The following CPT1A variants were observed in gnomAD, a reference collection of about 807,000 sequenced individuals.
CPT1A encodes carnitine O-palmitoyltransferase 1, liver isoform.
In CPT1A, 64 loss-of-function variants were observed where a neutral mutation model predicts 100.8. The observed-to-expected ratio is 0.63, with a 90% confidence interval of 0.52 to 0.78. The LOEUF (loss-of-function observed/expected upper bound fraction) is 0.78, where lower values mean the gene tolerates loss of function less well. Ranked by LOEUF, CPT1A falls within the 30% of genes least tolerant of loss-of-function variation. The pLI is 0.00. For synonymous variants in CPT1A, 363 were observed against 396.0 expected (o/e 0.92, Z 0.99); for missense variants, 802 against 1,034.1 (o/e 0.78, Z 3.08).
chr11:68,764,159 T>G (rs1305677881), intron 14 of CPT1A, among the ~76,000 whole-genome samples: 2 of 151,878 alleles, frequency 1.3e-5, no homozygotes, highest in Non-Finnish European at 1.5e-5. Context: ...AGAGACTGAG[T>G]CCAAGGCAGC....
Position 68,803,841 on chromosome 11 carries a change from GGA to G in CPT1A, c.555+157_555+158del, listed in dbSNP as rs146360664. Among the ~76,000 whole-genome samples the G allele has an allele frequency of 0.098, 14,550 of 148,426 alleles. 1,697 individuals are homozygous for G. The highest frequency in any genetic ancestry group is 0.29 in the African/African-American group (11,231 of 38,722). ...ACCTAAGATGCAGCAGTGATGCATTGGAGAAAAAAAAAAAAAAGAGTTCCTAT... is the reference window on the plus strand; with the variant it reads ...ACCTAAGATGCAGCAGTGATGCATTGGAAAAAAAAAAAAAAGAGTTCCTAT... On this transcript the variant is annotated intron_variant, in intron 5 of 18. Transcript: ENST00000265641.
intron 5 of CPT1A, among the ~76,000 whole-genome samples, chr11:68,799,638 C>T (rs1594350108): frequency 6.6e-6 from 1 of 151,914 alleles, no homozygotes; most frequent in East Asian, 1.9e-4. Flanking sequence ...GTCTGTGGTC[C>T]CAGCTACCTG....
At chr11:68,829,784 C>T (rs1856834154) in intron 1 of CPT1A, among the ~76,000 whole-genome samples, 1 of 152,262 alleles carries the variant, frequency 6.6e-6, no homozygotes, top group South Asian at 2.1e-4. Flanking sequence ...TGCCCCTGGG[C>T]CAGCTATGGA....
At chr11:68,785,828 A>T (rs1232559231) in intron 9 of CPT1A, 1 of 557,416 alleles carries the variant, frequency 1.8e-6, no homozygotes, top group East Asian at 3.0e-5. Context: ...GTTTCTGAGA[A>T]CCCGAGAAAT....
intron 1 of CPT1A, among the ~76,000 whole-genome samples, chr11:68,833,895 T>C (rs759144370): frequency 1.3e-5 from 2 of 152,182 alleles, no homozygotes; most frequent in Non-Finnish European, 2.9e-5. Flanking sequence ...TCTTGTTCTG[T>C]TGCCGAGCGT....
At chr11:68,826,664 G>C (rs1005115430) in intron 1 of CPT1A, among the ~76,000 whole-genome samples, 6 of 151,824 alleles carry the variant, frequency 4.0e-5, no homozygotes, top group Non-Finnish European at 7.4e-5. Flanking sequence ...CGTGAACCCG[G>C]GAGCCGGAGC....
At chr11:68,814,684 A>G (rs1340779683) in intron 2 of CPT1A, among the ~76,000 whole-genome samples, 1 of 149,200 alleles carries the variant, frequency 6.7e-6, no homozygotes, top group Non-Finnish European at 1.5e-5. Context: ...AAGTTTGGAA[A>G]AAATATTTTT....
At position 68,841,694 on chromosome 11, in the gene CPT1A, C is replaced by G; in HGVS notation, c.-14+81G>C. The G allele has an allele frequency of 1.3e-6, 1 of 781,738 alleles. No homozygotes were observed. 48.4% of individuals were successfully genotyped at this position (781,738 alleles called of 1,614,324 possible). On this transcript the variant is annotated intron_variant, in intron 1 of 18. Coordinates refer to ENST00000265641, the MANE Select transcript of CPT1A (RefSeq NM_001876.4). The surrounding 1 kb of genome is among the most constrained non-coding windows in gnomAD (Gnocchi z 6.3). ...CCCACCCGGTCCGGTTCCCGGCAGC[C>G]CCGCGCCCCGCCCGTCCCCGGCCCC...
intron 10 of CPT1A, among the ~76,000 whole-genome samples, chr11:68,782,987 C>A (rs2924681): frequency 6.6e-6 from 1 of 152,302 alleles, no homozygotes; most frequent in South Asian, 2.1e-4. Context: ...AGGCTCCCCA[C>A]GTCTCCTCCG....
At chr11:68,786,616 C>T (rs371085807) in intron 9 of CPT1A, among the ~76,000 whole-genome samples, 5 of 152,274 alleles carry the variant, frequency 3.3e-5, no homozygotes, top group East Asian at 3.9e-4. Context: ...CTGCAACCTC[C>T]GCCTCCCGGG....
At chr11:68,804,537 A>G (rs1267664605) in intron 4 of CPT1A, among the ~76,000 whole-genome samples, 1 of 151,878 alleles carries the variant, frequency 6.6e-6, no homozygotes, top group Non-Finnish European at 1.5e-5. Flanking sequence ...GCAGTGAGCC[A>G]TGATCATACC....
In CPT1A at chr11:68,757,196, C is replaced by A; in HGVS notation, c.*448G>T. The A allele has an allele frequency of 1.6e-6, 1 of 641,112 alleles. No homozygotes were observed. Among genetic ancestry groups the A allele is most frequent in the Non-Finnish European group, 2.0e-6 (1 of 494,288 alleles). The allele number at this position is 641,112 out of a possible 1,614,324, so 39.7% of individuals were successfully genotyped here. A position where few individuals can be genotyped will look rare whatever the true frequency, so the allele number is the denominator to read the frequency against. ...CAGATGTGTTAGCTACAACTGGGGA[C>A]ACCAACTTGAATAACACATTTTTCT... On this transcript the variant is annotated 3_prime_UTR_variant, in exon 19 of 19. Coordinates refer to ENST00000265641, the MANE Select transcript of CPT1A (RefSeq NM_001876.4).
At chr11:68,758,769 C>G (rs1031838009) in intron 18 of CPT1A, among the ~76,000 whole-genome samples, 6 of 152,030 alleles carry the variant, frequency 3.9e-5, no homozygotes, top group Non-Finnish European at 7.4e-5. Flanking sequence ...CAGGCGTGTG[C>G]CACCACACCA....
At chr11:68,837,187 T>C (rs970910731) in intron 1 of CPT1A, among the ~76,000 whole-genome samples, 4 of 152,110 alleles carry the variant, frequency 2.6e-5, no homozygotes, top group African/African-American at 7.2e-5. Context: ...GTAGCTGGGA[T>C]TACAGGCGTG....
At chr11:68,763,105 T>TA (rs1854678211) in intron 14 of CPT1A, among the ~76,000 whole-genome samples, 1 of 152,196 alleles carries the variant, frequency 6.6e-6, no homozygotes, top group Admixed American at 6.5e-5. Flanking sequence ...CGCCTTGGCT[T>TA]CCCAAAGTGC....
chr11:68,821,118 G>A (rs1031875169), intron 1 of CPT1A, among the ~76,000 whole-genome samples: 1 of 152,102 alleles, frequency 6.6e-6, no homozygotes, highest in African/African-American at 2.4e-5. Context: ...CTACAGGCAT[G>A]TGCCACCATG....
chr11:68,841,985 G>C (rs936603949), upstream of CPT1A: 2 of 984,964 alleles, frequency 2.0e-6, no homozygotes, highest in Non-Finnish European at 2.4e-6. The surrounding 1 kb of genome is among the most constrained non-coding windows in gnomAD (Gnocchi z 6.3). Flanking sequence ...CGGGCCCGGG[G>C]CCTCGGCGGG....
chr11:68,808,062 G>A (rs1231463269), intron 3 of CPT1A, among the ~76,000 whole-genome samples: 2 of 152,246 alleles, frequency 1.3e-5, no homozygotes, highest in African/African-American at 2.4e-5. Context: ...ATGCCCTGCC[G>A]ACCTGTGCGT....
intron 14 of CPT1A, among the ~76,000 whole-genome samples, chr11:68,766,970 T>G (rs1854825155): frequency 6.6e-6 from 1 of 152,156 alleles, no homozygotes; most frequent in Non-Finnish European, 1.5e-5. Context: ...GCGGGCCAGG[T>G]GCTCTCTGTG....
Sources: allele counts gnomAD v4.1 joint callset (sites outside exome capture counted in the v4.1 genomes callset), GRCh38; gene constraint gnomAD v4.1.1; non-coding constraint Gnocchi (gnomAD v3.1); transcripts MANE v1.5; gene names NCBI Gene and HGNC (gene_info 2026-07-23, HGNC 2026-07-21).